ANAPC10: variants seen among roughly 807,000 people sequenced by gnomAD.
ANAPC10 encodes anaphase-promoting complex subunit 10.
ANAPC10 carries 12 observed loss-of-function variants against 22.0 expected under a neutral mutation model. The observed-to-expected ratio is 0.55, with a 90% CI of 0.35 to 0.88. The LOEUF (loss-of-function observed/expected upper bound fraction) is 0.88, where lower values mean the gene tolerates loss of function less well. ANAPC10 is among the 40% of genes least tolerant of loss of function. ANAPC10 has a pLI of 0.01. For missense variants in ANAPC10, 188 were observed against 220.9 expected, an observed-to-expected ratio of 0.85 and a Z score of 0.94; for synonymous variants, 65 against 69.5, an observed-to-expected ratio of 0.94 and a Z score of 0.32.
At chr4:145,030,000 CA>C (rs1560844896) in intron 4 of ANAPC10, among the ~76,000 whole-genome samples, 1 of 152,190 alleles carries the variant, frequency 6.6e-6, no homozygotes, top group Non-Finnish European at 1.5e-5. Context: ...CCCAAGGTGG[CA>C]GGCGCTAAGT....
intron 4 of ANAPC10, among the ~76,000 whole-genome samples, chr4:145,029,370 T>C (rs757955104): frequency 7.2e-5 from 11 of 152,282 alleles, no homozygotes; most frequent in Non-Finnish European, 1.6e-4. Context: ...CACCCTTGTT[T>C]GCTTCTAGAC....
chr4:145,055,272 AAGG>A (rs1741879628), intron 4 of ANAPC10, among the ~76,000 whole-genome samples: 1 of 152,292 alleles, frequency 6.6e-6, no homozygotes, highest in South Asian at 2.1e-4. Flanking sequence ...CTTTAAAAAA[AAGG>A]AGGCCAGTGA....
At chr4:145,023,082 T>C (rs1007145676) in intron 4 of ANAPC10, among the ~76,000 whole-genome samples, 2 of 152,040 alleles carry the variant, frequency 1.3e-5, no homozygotes, top group African/African-American at 2.4e-5. Flanking sequence ...ATTTACAACA[T>C]GGAATACTAT....
chr4:145,045,310 T>C (rs548215830), intron 4 of ANAPC10, among the ~76,000 whole-genome samples: 179 of 152,214 alleles, frequency 1.2e-3, no homozygotes, highest in African/African-American at 3.9e-3. Context: ...CTATTCTATA[T>C]ATGAGGAAAC....
At chr4:144,997,959 C>G (rs1181108638) in intron 4 of ANAPC10, among the ~76,000 whole-genome samples, 1 of 152,036 alleles carries the variant, frequency 6.6e-6, no homozygotes, top group Non-Finnish European at 1.5e-5. Context: ...GACTTTAAAC[C>G]AACAAAGATC....
chr4:145,061,459 A>C (rs1022390003), intron 4 of ANAPC10, among the ~76,000 whole-genome samples: 7 of 152,188 alleles, frequency 4.6e-5, no homozygotes, highest in African/African-American at 1.7e-4. Flanking sequence ...AAACAAGTAC[A>C]ACTAAGATTA....
In ANAPC10 at chr4:145,000,986, T is replaced by C. The variant is rs527519179; in HGVS notation, c.328-5383A>G. On this transcript the variant is annotated intron_variant, in intron 4 of 4. Transcript: ENST00000507656. ...GCATGTTCTCACTCATAAATGGGAA[T>C]TGAACAATGAGAACACTTGGACACA... Among the ~76,000 whole-genome samples the C allele has an allele frequency of 1.9e-3, 291 of 151,998 alleles. 1 individual carries two copies. Among genetic ancestry groups the C allele is most frequent in the African/African-American group, 6.6e-3 (272 of 41,438 alleles).
intron 4 of ANAPC10, among the ~76,000 whole-genome samples, chr4:145,042,686 T>A (rs1252450103): frequency 6.6e-6 from 1 of 152,106 alleles, no homozygotes; most frequent in African/African-American, 2.4e-5. Flanking sequence ...AATGTTTCAC[T>A]ACACTCAGAA....
chr4:145,059,662 G>A (rs1742594019), intron 4 of ANAPC10, among the ~76,000 whole-genome samples: 1 of 152,040 alleles, frequency 6.6e-6, no homozygotes, highest in Non-Finnish European at 1.5e-5. Context: ...GTCACAGTGT[G>A]TCTAAAAAAC....
chr4:145,097,401 G>A (rs1364124938), intron 1 of ANAPC10: 1 of 1,005,244 alleles, frequency 9.9e-7, no homozygotes, highest in South Asian at 1.3e-5. Context: ...ATACTGGATC[G>A]TGAACAATAT....
At chr4:145,053,088 T>C (rs1390152728) in intron 4 of ANAPC10, among the ~76,000 whole-genome samples, 3 of 152,184 alleles carry the variant, frequency 2.0e-5, no homozygotes, top group Admixed American at 6.5e-5. Flanking sequence ...GAGAAGATTA[T>C]ATATTTTCAA....
In ANAPC10 at chr4:145,009,573, A is replaced by C. The variant is rs186824419; in HGVS notation, c.328-13970T>G. Reference sequence around the variant, plus strand: ...CCTGACAAAAACAAGAAATGGGGAAAGGATTCCCTATTTAACAAATGGTAC... The same window carrying C: ...CCTGACAAAAACAAGAAATGGGGAACGGATTCCCTATTTAACAAATGGTAC... On this transcript the variant is annotated intron_variant, in intron 4 of 4. Transcript: ENST00000507656. 4.5e-3 allele frequency among the ~76,000 whole-genome samples: 682 copies of C among 152,314 alleles called. 8 individuals carry two copies. Among genetic ancestry groups the C allele is most frequent in the African/African-American group, 0.015 (621 of 41,536 alleles).
chr4:145,047,907 T>C (rs1444495035), intron 4 of ANAPC10, among the ~76,000 whole-genome samples: 1 of 152,070 alleles, frequency 6.6e-6, no homozygotes, highest in Admixed American at 6.6e-5. Context: ...TTCCTCAGTC[T>C]CTCTTTATTC....
At chr4:145,017,453 T>C (rs1370158025) in intron 4 of ANAPC10, among the ~76,000 whole-genome samples, 1 of 152,096 alleles carries the variant, frequency 6.6e-6, no homozygotes, top group Non-Finnish European at 1.5e-5. Flanking sequence ...TGGCGATCAT[T>C]AAAAAGTCAG....
chr4:145,069,850 T>C (rs1188071098), intron 3 of ANAPC10, among the ~76,000 whole-genome samples: 2 of 152,176 alleles, frequency 1.3e-5, no homozygotes, highest in Admixed American at 6.5e-5. Flanking sequence ...AGCTATTTTT[T>C]GTGAACCAAA....
In ANAPC10 at chr4:145,080,133, A is replaced by C. The variant is rs867757214; in HGVS notation, c.206+1527T>G. On this transcript the variant is annotated intron_variant, in intron 3 of 4. Transcript: ENST00000507656. ...TGTCTCAAAAAAAAAAAAAAAAAAA[A>C]AAAAACACACATTGAATACACACAG... is the stretch of plus-strand genomic sequence containing the variant. Among the ~76,000 whole-genome samples the C allele has an allele frequency of 1.0e-4, 15 of 150,732 alleles. 1 individual carries two copies. The highest frequency in any genetic ancestry group is 3.6e-4 in the African/African-American group (15 of 41,184).
intron 4 of ANAPC10, among the ~76,000 whole-genome samples, chr4:145,041,979 G>T (rs957445625): frequency 2.6e-5 from 4 of 152,084 alleles, no homozygotes; most frequent in Non-Finnish European, 5.9e-5. Flanking sequence ...CTTCTATATA[G>T]AAAGTTAAAA....
chr4:145,001,978 T>C lies in ANAPC10; in HGVS notation c.328-6375A>G, dbSNP rs17019825. Among the ~76,000 whole-genome samples the C allele has an allele frequency of 6.1e-3, 930 of 152,304 alleles. 11 individuals carry two copies. Among genetic ancestry groups the C allele is most frequent in the African/African-American group, 0.022 (904 of 41,564 alleles). ...GTCAAATATTAAGTACAAAACTGTT[T>C]ACATGTCTTCCTACTGCCATGGAAA... On this transcript the variant is annotated intron_variant, in intron 4 of 4. Coordinates refer to ENST00000507656, the MANE Select transcript of ANAPC10 (RefSeq NM_001256706.2).
intron 4 of ANAPC10, among the ~76,000 whole-genome samples, chr4:145,020,257 C>A (rs1735779387): frequency 6.6e-6 from 1 of 152,094 alleles, no homozygotes; most frequent in African/African-American, 2.4e-5. Flanking sequence ...GGTTTCATGC[C>A]AGGGATGCAG....
Sources: allele counts gnomAD v4.1 joint callset (sites outside exome capture counted in the v4.1 genomes callset), GRCh38; gene constraint gnomAD v4.1.1; transcripts MANE v1.5; gene names NCBI Gene and HGNC (gene_info 2026-07-23, HGNC 2026-07-21).